Variants in WDR72 observed in about 807,000 individuals in gnomAD.
WDR72 encodes the protein WD repeat domain 72.
WDR72 carries 120 observed loss-of-function variants against 124.2 expected under a neutral mutation model. The ratio of observed to expected loss-of-function variants is 0.97; its 90% CI spans 0.83 to 1.12. WDR72 has a LOEUF of 1.12. WDR72 is among the 50% of genes most tolerant of loss of function. The pLI, the probability that WDR72 is intolerant of heterozygous loss-of-function variation, is 0.00. For synonymous variants in WDR72, 452 were observed against 441.7 expected, an observed-to-expected ratio of 1.02 and a Z score of -0.29; for missense variants, 1,387 against 1,278.8, an observed-to-expected ratio of 1.08 and a Z score of -1.29.
At chr15:53,720,000 T>C (rs1369598129) in intron 3 of WDR72, among the ~76,000 whole-genome samples, 1 of 152,116 alleles carries the variant, frequency 6.6e-6, no homozygotes, top group East Asian at 1.9e-4. Flanking sequence ...AATATAGTCA[T>C]ACCAACCTTA....
At chr15:53,673,651 GCTT>G (rs958974698) in intron 13 of WDR72, among the ~76,000 whole-genome samples, 1 of 152,042 alleles carries the variant, frequency 6.6e-6, no homozygotes, top group Non-Finnish European at 1.5e-5. Context: ...TAAATATTCT[GCTT>G]ATTATTGGAT....
At chr15:53,738,433 A>T (rs1253453129) in intron 1 of WDR72, among the ~76,000 whole-genome samples, 2 of 152,166 alleles carry the variant, frequency 1.3e-5, no homozygotes, top group African/African-American at 4.8e-5. Context: ...AAGTTTGATA[A>T]GGAAGGCCCT....
At chr15:53,708,047 C>A (rs950844875) in intron 9 of WDR72, among the ~76,000 whole-genome samples, 1 of 152,182 alleles carries the variant, frequency 6.6e-6, no homozygotes, top group African/African-American at 2.4e-5. Context: ...CACATTGCTG[C>A]TTCTCACTTG....
chr15:53,744,221 T>G (rs2018585663), intron 1 of WDR72, among the ~76,000 whole-genome samples: 1 of 152,188 alleles, frequency 6.6e-6, no homozygotes, highest in Admixed American at 6.5e-5. Context: ...TGAGAGGAAC[T>G]GAAACTTTCA....
chr15:53,692,702 C>T lies in WDR72; in HGVS notation c.1765+7048G>A, dbSNP rs965518201. On this transcript the variant is annotated intron_variant, in intron 13 of 19. Coordinates refer to ENST00000360509, the MANE Select transcript of WDR72 (RefSeq NM_182758.4). ...GCATGTGCATACACATGCAAACATA[C>T]GCACATGCACAATATTGCATGAATC... is the stretch of plus-strand genomic sequence containing the variant. 2.0e-4 allele frequency among the ~76,000 whole-genome samples: 30 copies of T among 152,118 alleles called. 1 individual carries two copies. The highest frequency in any genetic ancestry group is 1.5e-3 in the South Asian group (7 of 4,824).
At position 53,613,712 on chromosome 15, in the gene WDR72, C is replaced by T. The variant is rs768604160; in HGVS notation, c.2826G>A (p.Gly942=). The T allele has an allele frequency of 1.2e-6, 2 of 1,611,086 alleles. No individual in the cohort carries two copies. Among genetic ancestry groups the T allele is most frequent in the Non-Finnish European group, 1.7e-6 (2 of 1,178,340 alleles). The part of the protein sequence containing the change: ...ESIHNKMRGA[G]NDILNMSSFY... The stretch of plus-strand genomic sequence containing the variant: ...AGCTTGACATATTTAAAATGTCATT[C>T]CCAGCACCTCTCATCTTATTATGTA... The change falls in exon 16 of 20, where the codon GGG becomes GGA. Residue 942 remains glycine (G), a synonymous_variant. Coordinates refer to ENST00000360509, the MANE Select transcript of WDR72 (RefSeq NM_182758.4).
At chr15:53,747,629 G>C (rs562722017) in intron 1 of WDR72, among the ~76,000 whole-genome samples, 2 of 152,238 alleles carry the variant, frequency 1.3e-5, no homozygotes, top group African/African-American at 4.8e-5. Flanking sequence ...TTCCATCACA[G>C]CTCACAGCTC....
At chr15:53,649,264 T>C (rs987762747) in intron 14 of WDR72, among the ~76,000 whole-genome samples, 3 of 152,096 alleles carry the variant, frequency 2.0e-5, no homozygotes, top group African/African-American at 7.2e-5. Context: ...CAGAGTTGAG[T>C]AGGTGTACCA....
intron 14 of WDR72, among the ~76,000 whole-genome samples, chr15:53,629,347 A>G (rs1482704869): frequency 1.3e-5 from 2 of 152,158 alleles, no homozygotes; most frequent in African/African-American, 2.4e-5. Context: ...AGCTACAAAT[A>G]TAAAAGCTGA....
At chr15:53,634,854 T>C (rs982024607) in intron 14 of WDR72, among the ~76,000 whole-genome samples, 2 of 152,106 alleles carry the variant, frequency 1.3e-5, no homozygotes, top group Non-Finnish European at 2.9e-5. Flanking sequence ...GACTGAATGG[T>C]GGGTAGCTGA....
intron 13 of WDR72, chr15:53,684,413 G>C (rs2016523887): frequency 1.3e-5 from 2 of 154,336 alleles, no homozygotes; most frequent in African/African-American, 4.8e-5. Flanking sequence ...CAAGGGGTCA[G>C]GGAGTTCCCT....
At chr15:53,652,635 G>A (rs1185436602) in intron 14 of WDR72, among the ~76,000 whole-genome samples, 2 of 152,068 alleles carry the variant, frequency 1.3e-5, no homozygotes, top group African/African-American at 4.8e-5. Context: ...ATTATTTCAG[G>A]GAAGTAGAGG....
At chr15:53,559,066 T>C (rs1328241605) in intron 18 of WDR72, among the ~76,000 whole-genome samples, 3 of 152,028 alleles carry the variant, frequency 2.0e-5, no homozygotes, top group African/African-American at 7.2e-5. Context: ...CTCAAGCTTT[T>C]AGTTCACAGA....
intron 1 of WDR72, chr15:53,756,687 G>C (rs1012178671): frequency 6.6e-6 from 1 of 152,184 alleles, no homozygotes; most frequent in Non-Finnish European, 1.5e-5. Context: ...TTAAGTTGTA[G>C]ACACTGTGCT....
chr15:53,656,602 T>A lies in WDR72; in HGVS notation c.1962+8970A>T, dbSNP rs796308417. Among the ~76,000 whole-genome samples the A allele has an allele frequency of 9.8e-5, 15 of 152,302 alleles. 1 individual carries two copies. The highest frequency in any genetic ancestry group is 3.6e-4 in the African/African-American group (15 of 41,568). ...CTTTAAATGGGTCCACATGGTACTCTCAGTCAATAAGTGGTATTACCAGCT... is the reference window on the plus strand; with the variant it reads ...CTTTAAATGGGTCCACATGGTACTCACAGTCAATAAGTGGTATTACCAGCT... On this transcript the variant is annotated intron_variant, in intron 14 of 19. Transcript: ENST00000360509.
Position 53,609,493 on chromosome 15 carries a change from G to T in WDR72, c.2952+20C>A. The T allele has an allele frequency of 6.2e-7, 1 of 1,605,082 alleles. No individual in the cohort carries two copies. The highest frequency in any genetic ancestry group is 8.5e-7 in the Non-Finnish European group (1 of 1,172,236). ...CAAGGAACTCTTCTAATAACGTCAT[G>T]AATGTGAATTATATCATACCTGCAC... On this transcript the variant is annotated intron_variant, in intron 17 of 19. Transcript: ENST00000360509.
At chr15:53,760,244 G>T (rs2019036231), upstream of WDR72, among the ~76,000 whole-genome samples, 2 of 151,592 alleles carry the variant, frequency 1.3e-5, no homozygotes, top group Admixed American at 6.6e-5. Flanking sequence ...TCACCCTGTT[G>T]TGCCACCAAA....
chr15:53,727,368 C>G (rs2018072707), intron 2 of WDR72, among the ~76,000 whole-genome samples: 1 of 152,000 alleles, frequency 6.6e-6, no homozygotes, highest in Non-Finnish European at 1.5e-5. Context: ...GGTAACTCAG[C>G]CATATTAATG....
At chr15:53,731,099 G>A (rs978352797) in intron 2 of WDR72, among the ~76,000 whole-genome samples, 5 of 152,110 alleles carry the variant, frequency 3.3e-5, no homozygotes, top group African/African-American at 1.2e-4. Flanking sequence ...TTTGCACAAT[G>A]TCCTCACAGT....
Sources: gnomAD v4.1 joint callset for allele counts (sites outside exome capture counted in the v4.1 genomes callset) on GRCh38, gnomAD v4.1.1 for gene constraint, MANE v1.5 for transcripts, NCBI Gene and HGNC (gene_info 2026-07-23, HGNC 2026-07-21) for gene names.